Variants in CA5B observed in about 807,000 individuals in gnomAD.
The protein encoded by CA5B is carbonic anhydrase 5B, mitochondrial.
A neutral mutation model predicts 23.1 loss-of-function variants in CA5B; 15 were observed. The observed-to-expected ratio is 0.65, with a 90% confidence interval of 0.43 to 1.00. CA5B has a LOEUF of 1.00. CA5B is among the 50% of genes least tolerant of loss of function. CA5B has a pLI of 0.00. For synonymous variants in CA5B, 84 were observed against 98.5 expected, an observed-to-expected ratio of 0.85 and a Z score of 0.87; for missense variants, 236 against 252.2, an observed-to-expected ratio of 0.94 and a Z score of 0.43.
intron 1 of CA5B, among the ~76,000 whole-genome samples, chrX:15,747,982 C>T (rs190209448): frequency 9.1e-6 from 1 of 110,058 alleles, no homozygotes; most frequent in Admixed American, 9.6e-5. Context: ...GGACAAGTGG[C>T]GGACTGCAGC....
chrX:15,751,920 A>G (rs369663775), intron 2 of CA5B, among the ~76,000 whole-genome samples: 4 of 111,766 alleles, frequency 3.6e-5, no homozygotes, highest in African/African-American at 6.5e-5. Flanking sequence ...CAGAAGGCCA[A>G]TGTACACTTG....
chrX:15,752,992 C>T (rs974314167), intron 2 of CA5B, among the ~76,000 whole-genome samples: 5 of 111,356 alleles, frequency 4.5e-5, no homozygotes, highest in African/African-American at 1.3e-4. Context: ...TAGAAGCCCC[C>T]CCAACCCCCA....
In CA5B at chrX:15,782,581, A is replaced by G. The variant is rs748393417; in HGVS notation, c.871A>G (p.Thr291Ala). Residue 291 changes from threonine to alanine, a missense_variant, in exon 8 of 8, where the codon ACT (threonine) becomes GCT (alanine). Thr to Ala is a moderately conservative substitution (Grantham distance 58, BLOSUM62 0). Transcript: ENST00000318636. ...FRPLQPLMNR[T>A]VRSSFRHDYV... Reference sequence around the variant, plus strand: ...CCCCCTTCAGCCACTGATGAATCGCACTGTTCGTTCATCCTTCCGGCATGA... The same window carrying G: ...CCCCCTTCAGCCACTGATGAATCGCGCTGTTCGTTCATCCTTCCGGCATGA... 1.4e-5 allele frequency: 17 copies of G among 1,207,095 alleles called. No homozygotes were observed. The East Asian group carries it at 4.7e-4, about 34-fold the overall frequency.
intron 5 of CA5B, among the ~76,000 whole-genome samples, chrX:15,774,923 G>A (rs1160015804): frequency 2.7e-5 from 3 of 112,330 alleles, no homozygotes; most frequent in African/African-American, 9.7e-5. Flanking sequence ...TGTGGCAATT[G>A]AGCACTTGAA....
At chrX:15,757,967 C>T (rs1196653971) in intron 2 of CA5B, among the ~76,000 whole-genome samples, 2 of 111,041 alleles carry the variant, frequency 1.8e-5, no homozygotes, top group Admixed American at 1.9e-4. Flanking sequence ...AGGAAAATTG[C>T]TGAGTGGCAG....
chrX:15,757,611 C>T lies in CA5B; in HGVS notation c.143-6967C>T, dbSNP rs139981438. On this transcript the variant is annotated intron_variant, in intron 2 of 7. Coordinates refer to ENST00000318636, the MANE Select transcript of CA5B (RefSeq NM_007220.4). Reference sequence around the variant, plus strand: ...TAATCCCAGCTACTCGGGAGGCTGACGCAGGAAAATTGCTTGAACGCAGGA... The same window carrying T: ...TAATCCCAGCTACTCGGGAGGCTGATGCAGGAAAATTGCTTGAACGCAGGA... 4.5e-3 allele frequency among the ~76,000 whole-genome samples: 489 copies of T among 108,378 alleles called. 6 individuals carry two copies. Among genetic ancestry groups the T allele is most frequent in the African/African-American group, 0.016 (477 of 29,657 alleles). 94.1% of individuals were successfully genotyped at this position (108,378 alleles called of 115,157 possible). A position where few individuals can be genotyped will look rare whatever the true frequency, so the allele number is the denominator to read the frequency against.
chrX:15,776,353 A>AG (rs1239477703), intron 6 of CA5B, among the ~76,000 whole-genome samples: 5 of 108,125 alleles, frequency 4.6e-5, no homozygotes, highest in Non-Finnish European at 7.7e-5. Context: ...AAAAAAAAAA[A>AG]AAAAGAAAAA....
At position 15,783,401 on chromosome X, in the gene CA5B, A is replaced by T. The variant is rs923779831; in HGVS notation, c.*737A>T. 31 of 112,451 alleles carry T rather than the reference A, an allele frequency of 2.8e-4. No individual in the cohort carries two copies. Among genetic ancestry groups the T allele is most frequent in the African/African-American group, 1.0e-3 (31 of 30,933 alleles). 9.3% of individuals were successfully genotyped at this position (112,451 alleles called of 1,213,427 possible). A position where few individuals can be genotyped will look rare whatever the true frequency, so the allele number is the denominator to read the frequency against. ...TATATTTTGTAATTATAAGAAAACAAGACTTTTCCTATACCCAGAAATCCC... is the reference window on the plus strand; with the variant it reads ...TATATTTTGTAATTATAAGAAAACATGACTTTTCCTATACCCAGAAATCCC... On this transcript the variant is annotated 3_prime_UTR_variant, in exon 8 of 8. Coordinates refer to ENST00000318636, the MANE Select transcript of CA5B (RefSeq NM_007220.4).
intron 2 of CA5B, among the ~76,000 whole-genome samples, chrX:15,753,622 G>A (rs969286660): frequency 1.8e-5 from 2 of 112,461 alleles, no homozygotes; most frequent in Admixed American, 1.9e-4. Flanking sequence ...TATATTTTGG[G>A]GTAAGGCTGG....
In CA5B at chrX:15,767,096, A is replaced by G. The variant is rs1317405893; in HGVS notation, c.340+2321A>G. ...CAGACGTAAACTAATGGGCAGACCC[A>G]GTCTATAGGATACCAACCCTCATCC... On this transcript the variant is annotated intron_variant, in intron 3 of 7. Coordinates refer to ENST00000318636, the MANE Select transcript of CA5B (RefSeq NM_007220.4). The G allele has an allele frequency of 1.9e-5, 17 of 876,350 alleles. No individual in the cohort carries two copies. The Admixed American group carries it at 4.9e-4, about 25-fold the overall frequency. 72.2% of individuals were successfully genotyped at this position (876,350 alleles called of 1,213,427 possible). A position where few individuals can be genotyped will look rare whatever the true frequency, so the allele number is the denominator to read the frequency against.
rs1291770033 is a variant in CA5B at position 15,786,583 on chromosome X, C to T, written c.*3919C>T. 9.0e-6 allele frequency: 1 copy of T among 110,846 alleles called. No homozygotes were observed. Among genetic ancestry groups the T allele is most frequent in the Non-Finnish European group, 1.9e-5 (1 of 52,974 alleles). 9.1% of individuals were successfully genotyped at this position (110,846 alleles called of 1,213,427 possible). ...AGAAGATTGTATTAAAATTGCTGTC[C>T]GTCTTCATTAAATAATACTAGATCG... On this transcript the variant is annotated 3_prime_UTR_variant, in exon 8 of 8. Transcript: ENST00000318636.
At chrX:15,757,004 G>A (rs921760893) in intron 2 of CA5B, among the ~76,000 whole-genome samples, 1 of 103,949 alleles carries the variant, frequency 9.6e-6, no homozygotes. Context: ...GCAGTGAGCC[G>A]AGATCGCGCC....
rs1206142419 is a variant in CA5B at position 15,776,004 on chromosome X, T to C, written c.618+696T>C. The C allele has an allele frequency of 5.3e-6, 4 of 751,280 alleles. No individual in the cohort carries two copies. In the African/African-American group the frequency reaches 7.0e-5, roughly 13 times the overall value. The allele number at this position is 751,280 out of a possible 1,213,427, so 61.9% of individuals were successfully genotyped here. On this transcript the variant is annotated intron_variant, in intron 6 of 7. Transcript: ENST00000318636. ...GGTTTCTGGCTCCTCCTGAGCTGCA[T>C]TTCTTCTTAAAAGGACAATTCTCAG...
At chrX:15,776,903 T>C in intron 7 of CA5B, 34 bp downstream of exon 7, 1 of 1,146,305 alleles carries the variant, frequency 8.7e-7, no homozygotes. Context: ...TCTAAGGAAA[T>C]CCTTGTCTGC....
chrX:15,770,829 G>A (rs761077639), intron 3 of CA5B, among the ~76,000 whole-genome samples: 261 of 108,604 alleles, frequency 2.4e-3, no homozygotes, highest in African/African-American at 8.2e-3. Flanking sequence ...GTGCAGTGGC[G>A]TGATCTTGGC....
chrX:15,776,730 T>G lies in CA5B; in HGVS notation c.635T>G (p.Phe212Cys), dbSNP rs764099457. The change falls in exon 7 of 8, where the codon TTT (phenylalanine) becomes TGT (cysteine). Residue 212 changes from phenylalanine to cysteine, a missense_variant. Around this residue, in one of 3 missense-constraint regions of CA5B, gnomAD observed 170 missense variants for 162.0 expected, o/e 1.05. Coordinates refer to ENST00000318636, the MANE Select transcript of CA5B (RefSeq NM_007220.4). ...CTTGGCCAGGACGCCCTTGTGGAAT[T>G]TGGGTCATTTGACCCTTCCTGCCTG... ...SIKHKDALVE[F>C]GSFDPSCLMP... 2.1e-5 allele frequency: 25 copies of G among 1,209,787 alleles called. No individual in the cohort carries two copies. Among genetic ancestry groups the G allele is most frequent in the Non-Finnish European group, 2.6e-5 (23 of 893,690 alleles).
chrX:15,761,820 A>C (rs1479438392), intron 2 of CA5B, among the ~76,000 whole-genome samples: 1 of 111,439 alleles, frequency 9.0e-6, no homozygotes, highest in Admixed American at 9.5e-5. Flanking sequence ...TGCCATCTGA[A>C]AATGTCTCCA....
intron 2 of CA5B, among the ~76,000 whole-genome samples, chrX:15,761,941 TAAAAC>T (rs774028553): frequency 1.3e-4 from 14 of 111,994 alleles, no homozygotes; most frequent in South Asian, 3.7e-4. Flanking sequence ...TTTTTATAAA[TAAAAC>T]AAAACAAAAC....
At chrX:15,775,711 G>A in intron 6 of CA5B, 2 of 757,239 alleles carry the variant, frequency 2.6e-6, no homozygotes, top group Non-Finnish European at 3.1e-6. Flanking sequence ...CATCCTTCAG[G>A]TCGGATGCCT....
Sources: gnomAD v4.1 joint callset for allele counts (sites outside exome capture counted in the v4.1 genomes callset) on GRCh38, gnomAD v4.1.1 for gene constraint, gnomAD v4.1.1 regional missense constraint, MANE v1.5 for transcripts, NCBI Gene and HGNC (gene_info 2026-07-23, HGNC 2026-07-21) for gene names.